Variants in IL1RAPL2 observed in about 807,000 individuals in gnomAD.
IL1RAPL2 encodes the protein interleukin 1 receptor accessory protein like 2.
IL1RAPL2 carries 3 observed loss-of-function variants against 44.1 expected under a neutral mutation model. The observed-to-expected ratio is 0.07, with a 90% CI of 0.03 to 0.18. The LOEUF (loss-of-function observed/expected upper bound fraction) is 0.18. Ranked by LOEUF, IL1RAPL2 falls within the 10% of genes least tolerant of loss-of-function variation. The pLI is 1.00. For missense variants in IL1RAPL2, 391 were observed against 496.4 expected (o/e 0.79, Z 2.02); for synonymous variants, 181 against 178.8 (o/e 1.01, Z -0.10).
At chrX:105,433,694 C>CA (rs1320580989) in intron 5 of IL1RAPL2, among the ~76,000 whole-genome samples, 1 of 111,100 alleles carries the variant, frequency 9.0e-6, no homozygotes, top group African/African-American at 3.3e-5. Flanking sequence ...ATCACAGACT[C>CA]AAAGATGTTT....
intron 2 of IL1RAPL2, among the ~76,000 whole-genome samples, chrX:104,806,870 C>T (rs763158468): frequency 4.5e-5 from 5 of 111,637 alleles, no homozygotes; most frequent in African/African-American, 6.5e-5. Flanking sequence ...AGATAATCCA[C>T]GTAAAGGGGT....
chrX:104,643,489 T>A (rs1929974526), intron 1 of IL1RAPL2, among the ~76,000 whole-genome samples: 1 of 111,789 alleles, frequency 8.9e-6, no homozygotes, highest in African/African-American at 3.2e-5. Context: ...TCAAAAACAA[T>A]TATGTGTGGT....
At chrX:105,665,400 G>A (rs761363317) in intron 6 of IL1RAPL2, among the ~76,000 whole-genome samples, 2 of 109,035 alleles carry the variant, frequency 1.8e-5, no homozygotes, top group African/African-American at 6.7e-5. Context: ...CCTTAACAAA[G>A]CATCTTATTG....
intron 2 of IL1RAPL2, among the ~76,000 whole-genome samples, chrX:105,081,286 G>C (rs996840754): frequency 4.5e-5 from 5 of 111,498 alleles, no homozygotes; most frequent in Non-Finnish European, 9.4e-5. Context: ...CTGCATCCTT[G>C]TCTTCTGCTG....
chrX:105,606,705 C>G (rs759695764), intron 6 of IL1RAPL2, among the ~76,000 whole-genome samples: 1 of 111,752 alleles, frequency 8.9e-6, no homozygotes, highest in Admixed American at 9.5e-5. Context: ...AGAAAAGAAT[C>G]TATTCTGCCA....
intron 6 of IL1RAPL2, among the ~76,000 whole-genome samples, chrX:105,600,456 CATATT>C (rs1287239968): frequency 9.1e-6 from 1 of 109,299 alleles, no homozygotes; most frequent in East Asian, 2.9e-4. Context: ...CCACCATTGA[CATATT>C]ATATCAAACG....
intron 6 of IL1RAPL2, among the ~76,000 whole-genome samples, chrX:105,514,087 T>G (rs2036493442): frequency 9.0e-6 from 1 of 111,376 alleles, no homozygotes; most frequent in Non-Finnish European, 1.9e-5. Flanking sequence ...AAATGATGAG[T>G]CAAAAACAGC....
intron 6 of IL1RAPL2, among the ~76,000 whole-genome samples, chrX:105,631,110 A>G (rs965457903): frequency 1.2e-4 from 13 of 111,484 alleles, no homozygotes; most frequent in African/African-American, 3.6e-4. Flanking sequence ...AAAATCAGCC[A>G]GGGAATTTGC....
intron 2 of IL1RAPL2, among the ~76,000 whole-genome samples, chrX:104,779,400 T>C (rs973212200): frequency 2.1e-4 from 23 of 111,700 alleles, no homozygotes; most frequent in Non-Finnish European, 4.0e-4. Context: ...CACTATCAGA[T>C]GTAATTGGGT....
intron 2 of IL1RAPL2, among the ~76,000 whole-genome samples, chrX:104,964,365 G>A (rs1178086395): frequency 9.2e-6 from 1 of 108,599 alleles, no homozygotes; most frequent in African/African-American, 3.4e-5. Flanking sequence ...AGGCTGGAGT[G>A]CAGTGGTGTG....
chrX:104,677,133 CTGG>C (rs1431268441), intron 2 of IL1RAPL2, among the ~76,000 whole-genome samples: 30 of 112,187 alleles, frequency 2.7e-4, no homozygotes, highest in African/African-American at 8.7e-4. Flanking sequence ...TGTTCCGTTG[CTGG>C]TGAGGAATTG....
chrX:105,204,165 C>T (rs1388560382), intron 3 of IL1RAPL2, among the ~76,000 whole-genome samples: 8 of 111,098 alleles, frequency 7.2e-5, no homozygotes, highest in African/African-American at 2.6e-4. Flanking sequence ...TTAAAGGAAA[C>T]CCGCCACTCT....
At chrX:104,602,061 C>G (rs1180657773) in intron 1 of IL1RAPL2, among the ~76,000 whole-genome samples, 1 of 111,886 alleles carries the variant, frequency 8.9e-6, no homozygotes, top group Non-Finnish European at 1.9e-5. Context: ...CAAATAGGAA[C>G]AGCTCCGGTC....
rs191666676 is a variant in IL1RAPL2 at position 104,617,103 on chromosome X, T to C, written c.-19-41792T>C. Among the ~76,000 whole-genome samples the C allele has an allele frequency of 4.4e-3, 490 of 112,331 alleles. 1 individual carries two copies. The highest frequency in any genetic ancestry group is 0.015 in the African/African-American group (468 of 30,933). ...GTTTGGGGTTTTACATTTAAGTCTT[T>C]AATCCATCTTGAGTTAACTTGAAGC... On this transcript the variant is annotated intron_variant, in intron 1 of 10. Coordinates refer to ENST00000372582, the MANE Select transcript of IL1RAPL2 (RefSeq NM_017416.2).
intron 2 of IL1RAPL2, among the ~76,000 whole-genome samples, chrX:105,016,564 G>C (rs756705261): frequency 1.8e-5 from 2 of 111,464 alleles, no homozygotes; most frequent in South Asian, 3.7e-4. Context: ...TGCATCTATC[G>C]AGATAATCAT....
In IL1RAPL2 at chrX:104,809,690, CTG is replaced by C. The variant is rs770543606; in HGVS notation, c.82+150696_82+150697del. 8.3e-3 allele frequency among the ~76,000 whole-genome samples: 915 copies of C among 110,437 alleles called. 7 individuals are homozygous for C. The highest frequency in any genetic ancestry group is 0.029 in the African/African-American group (872 of 30,370). On this transcript the variant is annotated intron_variant, in intron 2 of 10. Coordinates refer to ENST00000372582, the MANE Select transcript of IL1RAPL2 (RefSeq NM_017416.2). ...CCATTTTGTAGGTTGCCTGTTCACTCTGATGGTAGTTTCTTTTGCTGTGCAGA... is the reference window on the plus strand; with the variant it reads ...CCATTTTGTAGGTTGCCTGTTCACTCATGGTAGTTTCTTTTGCTGTGCAGA...
At chrX:105,689,055 C>T (rs1028672332) in intron 6 of IL1RAPL2, among the ~76,000 whole-genome samples, 5 of 111,766 alleles carry the variant, frequency 4.5e-5, no homozygotes, top group Admixed American at 9.5e-5. Context: ...TTCCTTAAAC[C>T]TTATACAAAA....
chrX:105,193,430 A>G (rs1407602870), intron 2 of IL1RAPL2, among the ~76,000 whole-genome samples: 1 of 112,095 alleles, frequency 8.9e-6, no homozygotes, highest in African/African-American at 3.2e-5. Flanking sequence ...TAACATACTT[A>G]TATCATTACC....
intron 2 of IL1RAPL2, among the ~76,000 whole-genome samples, chrX:104,968,743 G>A (rs186088411): frequency 3.1e-4 from 34 of 110,601 alleles, no homozygotes; most frequent in East Asian, 1.1e-3. Context: ...GAAAAAAACC[G>A]CGTATAATTG....
Sources: allele counts gnomAD v4.1 joint callset (sites outside exome capture counted in the v4.1 genomes callset), GRCh38; gene constraint gnomAD v4.1.1; transcripts MANE v1.5; gene names NCBI Gene and HGNC (gene_info 2026-07-23, HGNC 2026-07-21).